The following MALRD1 variants were observed in gnomAD, a reference collection of about 807,000 sequenced individuals.
The protein encoded by MALRD1 is MAM and LDL receptor class A domain containing 1.
In MALRD1, 247 loss-of-function variants were observed where a neutral mutation model predicts 242.1. That is an observed-to-expected ratio of 1.02 (90% CI 0.92 to 1.13). The LOEUF (loss-of-function observed/expected upper bound fraction) is 1.13. Among genes scored for constraint, MALRD1 ranks in the 50% most tolerant of loss-of-function variants. The pLI is 0.00. For missense variants in MALRD1, 2,989 were observed against 2,533.1 expected, an observed-to-expected ratio of 1.18 and a Z score of -3.86; for synonymous variants, 995 against 866.6, an observed-to-expected ratio of 1.15 and a Z score of -2.60.
At chr10:19,494,816 G>C (rs986398880) in intron 30 of MALRD1, among the ~76,000 whole-genome samples, 1 of 152,166 alleles carries the variant, frequency 6.6e-6, no homozygotes, top group Non-Finnish European at 1.5e-5. Flanking sequence ...ATCCTTGAAA[G>C]AGACAGGGAG....
rs75419653 is a variant in MALRD1 at position 19,635,832 on chromosome 10, T to A, written c.6137+19909T>A. Among the ~76,000 whole-genome samples the A allele has an allele frequency of 9.2e-3, 1,408 of 152,266 alleles. 19 individuals carry two copies. Among genetic ancestry groups the A allele is most frequent in the African/African-American group, 0.032 (1,321 of 41,550 alleles). On this transcript the variant is annotated intron_variant, in intron 36 of 39. Coordinates refer to ENST00000454679, the MANE Select transcript of MALRD1 (RefSeq NM_001142308.3). ...AAATAAACTAAAAATGCACACCTTGTCATATTGTAAAATTGCAGGAAAACA... is the reference window on the plus strand; with the variant it reads ...AAATAAACTAAAAATGCACACCTTGACATATTGTAAAATTGCAGGAAAACA...
At chr10:19,097,536 G>A (rs1033513075) in intron 4 of MALRD1, among the ~76,000 whole-genome samples, 2 of 152,112 alleles carry the variant, frequency 1.3e-5, no homozygotes, top group Admixed American at 1.3e-4. Flanking sequence ...AGGAGACAAA[G>A]AATAAAACGA....
At chr10:19,265,602 A>G (rs896724991) in intron 19 of MALRD1, among the ~76,000 whole-genome samples, 2 of 152,128 alleles carry the variant, frequency 1.3e-5, no homozygotes, top group Non-Finnish European at 2.9e-5. Flanking sequence ...TATGACTTCA[A>G]ACTTCCTAAT....
intron 18 of MALRD1, among the ~76,000 whole-genome samples, chr10:19,238,818 T>A (rs895595934): frequency 1.1e-4 from 16 of 151,292 alleles, no homozygotes; most frequent in African/African-American, 3.9e-4. Context: ...GCTTAATGGT[T>A]GTACTAGTTT....
chr10:19,673,457 C>T (rs1007616776), intron 36 of MALRD1, among the ~76,000 whole-genome samples: 3 of 152,134 alleles, frequency 2.0e-5, no homozygotes, highest in African/African-American at 7.2e-5. Context: ...AGGGAAGAGG[C>T]AGTGTTCACT....
chr10:19,619,010 C>G lies in MALRD1; in HGVS notation c.6137+3087C>G, dbSNP rs147946871. 3.9e-3 allele frequency among the ~76,000 whole-genome samples: 587 copies of G among 152,036 alleles called. 6 individuals carry two copies. Among genetic ancestry groups the G allele is most frequent in the African/African-American group, 0.014 (561 of 41,522 alleles). ...TCTGTAGACTTCGAATACAGCTTACCAGCAGACCAGACTCCGCATTCTTAG... is the reference window on the plus strand; with the variant it reads ...TCTGTAGACTTCGAATACAGCTTACGAGCAGACCAGACTCCGCATTCTTAG... On this transcript the variant is annotated intron_variant, in intron 36 of 39. Transcript: ENST00000454679.
intron 18 of MALRD1, among the ~76,000 whole-genome samples, chr10:19,240,377 TTTGGTC>T (rs1437964954): frequency 1.3e-5 from 2 of 152,026 alleles, no homozygotes; most frequent in African/African-American, 4.8e-5. Flanking sequence ...TCTAGTAGTT[TTTGGTC>T]AAGTCTTTAG....
chr10:19,214,800 G>A (rs560148433), intron 18 of MALRD1, among the ~76,000 whole-genome samples: 10 of 152,266 alleles, frequency 6.6e-5, no homozygotes, highest in African/African-American at 1.9e-4. Context: ...GAGCTGTAAG[G>A]TGGATGCCTG....
intron 1 of MALRD1, among the ~76,000 whole-genome samples, chr10:19,062,065 TCAA>T (rs140230035): frequency 0.11 from 16,632 of 151,552 alleles, 1,448 homozygotes; most frequent in East Asian, 0.27. Context: ...GAACGACAGC[TCAA>T]CAACAACAAC....
chr10:19,284,111 A>G (rs1001634642), intron 21 of MALRD1, among the ~76,000 whole-genome samples: 2 of 152,216 alleles, frequency 1.3e-5, no homozygotes, highest in Non-Finnish European at 2.9e-5. Context: ...GTGGGATAAG[A>G]AGAGCAGACT....
chr10:19,223,197 G>A (rs1318639467), intron 18 of MALRD1, among the ~76,000 whole-genome samples: 4 of 151,992 alleles, frequency 2.6e-5, no homozygotes, highest in Non-Finnish European at 4.4e-5. Context: ...ATTATTATTC[G>A]AGGGCCTCCC....
intron 21 of MALRD1, among the ~76,000 whole-genome samples, chr10:19,304,964 A>G (rs1404298894): frequency 6.6e-6 from 1 of 151,680 alleles, no homozygotes; most frequent in East Asian, 1.9e-4. Flanking sequence ...TTCCCTCATC[A>G]ACCAAAAAGT....
intron 2 of MALRD1, among the ~76,000 whole-genome samples, chr10:19,073,075 C>T (rs1056947960): frequency 6.6e-6 from 1 of 151,746 alleles, no homozygotes; most frequent in South Asian, 2.1e-4. Flanking sequence ...CCACCATGCC[C>T]GGCTAATCCT....
At chr10:19,526,834 A>G (rs1365863905) in intron 31 of MALRD1, among the ~76,000 whole-genome samples, 1 of 152,178 alleles carries the variant, frequency 6.6e-6, no homozygotes, top group Non-Finnish European at 1.5e-5. Flanking sequence ...AAATGCAAAC[A>G]TTAGATTGTA....
At chr10:19,266,268 A>G (rs958276145) in intron 19 of MALRD1, among the ~76,000 whole-genome samples, 1 of 151,702 alleles carries the variant, frequency 6.6e-6, no homozygotes. Context: ...ATTCCTTCCT[A>G]GCTGTTTCGT....
chr10:19,383,020 G>A (rs545785575), intron 26 of MALRD1, among the ~76,000 whole-genome samples: 1 of 152,092 alleles, frequency 6.6e-6, no homozygotes, highest in Admixed American at 6.6e-5. Flanking sequence ...AGATACCATG[G>A]ACATTAAAAG....
intron 36 of MALRD1, among the ~76,000 whole-genome samples, chr10:19,667,810 A>C (rs961884743): frequency 3.3e-5 from 5 of 152,086 alleles, no homozygotes; most frequent in African/African-American, 1.2e-4. Context: ...GTATTTCTTT[A>C]TGGTAATGTA....
chr10:19,193,589 T>C (rs983934345), intron 14 of MALRD1, among the ~76,000 whole-genome samples: 5 of 152,094 alleles, frequency 3.3e-5, no homozygotes, highest in African/African-American at 9.7e-5. Context: ...AATTATTAAA[T>C]TGTGCTACAA....
chr10:19,424,722 A>G (rs1384285562), intron 28 of MALRD1, among the ~76,000 whole-genome samples: 2 of 152,170 alleles, frequency 1.3e-5, no homozygotes, highest in African/African-American at 4.8e-5. Flanking sequence ...TTTGGTGGTA[A>G]GAAATAATAT....
Sources: gnomAD v4.1 joint callset for allele counts (sites outside exome capture counted in the v4.1 genomes callset) on GRCh38, gnomAD v4.1.1 for gene constraint, MANE v1.5 for transcripts, NCBI Gene and HGNC (gene_info 2026-07-23, HGNC 2026-07-21) for gene names.